The following CSMD3 variants were observed in gnomAD, a reference collection of about 807,000 sequenced individuals.
CSMD3 encodes CUB and sushi domain-containing protein 3.
A neutral mutation model predicts 435.2 loss-of-function variants in CSMD3; 177 were observed. The observed-to-expected ratio is 0.41, with a 90% CI of 0.36 to 0.46. The LOEUF (loss-of-function observed/expected upper bound fraction) is 0.46, where lower values mean the gene tolerates loss of function less well. Ranked by LOEUF, CSMD3 falls within the 20% of genes least tolerant of loss-of-function variation. The pLI is 0.34. For missense variants in CSMD3, 4,265 were observed against 4,504.6 expected (o/e 0.95, Z 1.52); for synonymous variants, 1,656 against 1,520.5 (o/e 1.09, Z -2.07).
At chr8:112,568,301 A>G (rs1185643537) in intron 24 of CSMD3, among the ~76,000 whole-genome samples, 2 of 152,154 alleles carry the variant, frequency 1.3e-5, no homozygotes, top group Non-Finnish European at 2.9e-5. Context: ...TTGCTTTAGA[A>G]AAAGGAATGG....
intron 12 of CSMD3, among the ~76,000 whole-genome samples, chr8:112,814,815 A>G (rs2079328320): frequency 6.6e-6 from 1 of 151,968 alleles, no homozygotes; most frequent in Non-Finnish European, 1.5e-5. Flanking sequence ...TCATTATACC[A>G]AGGGAGCCCT....
intron 3 of CSMD3, among the ~76,000 whole-genome samples, chr8:113,276,358 A>G (rs2093570153): frequency 6.6e-6 from 1 of 152,058 alleles, no homozygotes; most frequent in South Asian, 2.1e-4. Flanking sequence ...GGAGGGAGAA[A>G]GTAGCAGACA....
intron 22 of CSMD3, among the ~76,000 whole-genome samples, chr8:112,636,558 A>ATCTATCATATT (rs2074665377): frequency 4.7e-5 from 2 of 42,810 alleles, no homozygotes; most frequent in Non-Finnish European, 9.3e-5. Context: ...CTATCTATCT[A>ATCTATCATATT]TCTATCTATC....
intron 1 of CSMD3, among the ~76,000 whole-genome samples, chr8:113,390,423 C>T (rs914060597): frequency 1.1e-4 from 16 of 151,726 alleles, no homozygotes; most frequent in Admixed American, 4.6e-4. Flanking sequence ...TATACATTTC[C>T]TCTGTGGAAC....
intron 5 of CSMD3, among the ~76,000 whole-genome samples, chr8:113,079,602 A>G (rs2089475078): frequency 6.6e-6 from 1 of 152,086 alleles, no homozygotes; most frequent in Non-Finnish European, 1.5e-5. Flanking sequence ...TAGGACTGAA[A>G]CCTCAGTCTT....
Position 112,346,113 on chromosome 8 carries a change from A to G in CSMD3, c.6426T>C (p.Asn2142=), listed in dbSNP as rs1825643577. The part of the protein sequence containing the change: ...PSSLDCTWTI[N]LPIGFGVHLQ... ...TACACATACCAAAACCTATGGGTAG[A>G]TTTATTGTCCATGTGCAATCTAAAC... The change falls in exon 41 of 71, where the codon AAT becomes AAC. Residue 2142 remains asparagine, a synonymous_variant. Transcript: ENST00000297405. 6.3e-7 allele frequency: 1 copy of G among 1,594,398 alleles called. No individual in the cohort carries two copies.
At chr8:113,272,733 A>G (rs1317111200) in intron 3 of CSMD3, among the ~76,000 whole-genome samples, 1 of 152,186 alleles carries the variant, frequency 6.6e-6, no homozygotes, top group Non-Finnish European at 1.5e-5. Flanking sequence ...AAAATATTTT[A>G]TTGAAATAAT....
intron 32 of CSMD3, among the ~76,000 whole-genome samples, chr8:112,419,009 G>A (rs1018620508): frequency 1.4e-4 from 21 of 152,034 alleles, no homozygotes; most frequent in Admixed American, 6.6e-4. Flanking sequence ...ATGTATAAGC[G>A]AACATTTCAA....
At chr8:112,710,762 A>T (rs1389620265) in intron 13 of CSMD3, among the ~76,000 whole-genome samples, 1 of 150,708 alleles carries the variant, frequency 6.6e-6, no homozygotes, top group Non-Finnish European at 1.5e-5. Flanking sequence ...AGGGTGGGTA[A>T]AGCAGAAGTC....
chr8:112,920,620 T>G (rs1397875285), intron 10 of CSMD3, among the ~76,000 whole-genome samples: 1 of 151,874 alleles, frequency 6.6e-6, no homozygotes, highest in Non-Finnish European at 1.5e-5. Context: ...TCTGTTAGTT[T>G]TTTTAGTATT....
At chr8:113,277,666 G>C (rs1399711951) in intron 3 of CSMD3, among the ~76,000 whole-genome samples, 7 of 151,828 alleles carry the variant, frequency 4.6e-5, no homozygotes, top group Admixed American at 4.6e-4. Flanking sequence ...GATAATGTTA[G>C]ACCTGATGTG....
intron 27 of CSMD3, among the ~76,000 whole-genome samples, chr8:112,550,001 A>G (rs1827536861): frequency 6.6e-6 from 1 of 152,058 alleles, no homozygotes; most frequent in Non-Finnish European, 1.5e-5. Context: ...ACAAGTTAAA[A>G]CAGCATTTAA....
chr8:112,767,085 G>A (rs1485520516), intron 13 of CSMD3, among the ~76,000 whole-genome samples: 1 of 151,814 alleles, frequency 6.6e-6, no homozygotes. Flanking sequence ...TAAATTTTGG[G>A]ATTCCTGAAG....
chr8:112,241,842 GCGCACACACACACA>G, intron 65 of CSMD3, 57 bp from the exon 66 acceptor site: 1 of 601,414 alleles, frequency 1.7e-6, no homozygotes, highest in South Asian at 2.0e-5. Flanking sequence ...ACATACACAT[GCGCACACACACACA>G]CGCACACACA....
At chr8:113,299,268 A>G (rs2093745345) in intron 2 of CSMD3, among the ~76,000 whole-genome samples, 1 of 152,172 alleles carries the variant, frequency 6.6e-6, no homozygotes, top group African/African-American at 2.4e-5. Flanking sequence ...TAATTTGTAA[A>G]TAAGATAGTG....
At chr8:112,732,462 G>A (rs2077094819) in intron 13 of CSMD3, among the ~76,000 whole-genome samples, 1 of 151,974 alleles carries the variant, frequency 6.6e-6, no homozygotes, top group African/African-American at 2.4e-5. Context: ...TGGGTGTGGT[G>A]GCTCATGCCT....
At chr8:112,410,866 A>G (rs1179888391) in intron 32 of CSMD3, among the ~76,000 whole-genome samples, 2 of 150,102 alleles carry the variant, frequency 1.3e-5, no homozygotes, top group African/African-American at 4.9e-5. Context: ...AAAAAATGGT[A>G]TTTTAGTCTA....
intron 2 of CSMD3, among the ~76,000 whole-genome samples, chr8:113,285,261 C>CTTTT (rs11420062): frequency 1.6e-5 from 2 of 128,174 alleles, no homozygotes; most frequent in Non-Finnish European, 3.2e-5. Flanking sequence ...TTGGTGACAG[C>CTTTT]TTTTTTTTTT....
intron 39 of CSMD3, among the ~76,000 whole-genome samples, chr8:112,352,045 T>C (rs1190298926): frequency 6.6e-6 from 1 of 152,116 alleles, no homozygotes; most frequent in Non-Finnish European, 1.5e-5. Context: ...AAGTGGCATT[T>C]CCCTTTATTT....
Sources: gnomAD v4.1 joint callset for allele counts (sites outside exome capture counted in the v4.1 genomes callset) on GRCh38, gnomAD v4.1.1 for gene constraint, MANE v1.5 for transcripts, NCBI Gene and HGNC (gene_info 2026-07-23, HGNC 2026-07-21) for gene names.